Variants in GPC5 observed in about 807,000 individuals in gnomAD.
GPC5 encodes the protein glypican 5, also known as glypican-5.
A neutral mutation model predicts 53.9 loss-of-function variants in GPC5; 47 were observed. That is an observed-to-expected ratio of 0.87 (90% CI 0.69 to 1.11). The LOEUF (loss-of-function observed/expected upper bound fraction) is 1.11. Among genes scored for constraint, GPC5 ranks in the 50% most tolerant of loss-of-function variants. GPC5 has a pLI of 0.00. For missense variants in GPC5, 748 were observed against 713.1 expected, an observed-to-expected ratio of 1.05 and a Z score of -0.56; for synonymous variants, 286 against 263.3, an observed-to-expected ratio of 1.09 and a Z score of -0.84.
At chr13:92,287,502 A>G (rs1166940142) in intron 7 of GPC5, among the ~76,000 whole-genome samples, 3 of 152,106 alleles carry the variant, frequency 2.0e-5, no homozygotes, top group African/African-American at 7.2e-5. Context: ...TAATTATGTC[A>G]AAGTGTGCCT....
chr13:92,118,414 AATG>A (rs1184944714), intron 6 of GPC5, among the ~76,000 whole-genome samples: 1 of 152,134 alleles, frequency 6.6e-6, no homozygotes, highest in Non-Finnish European at 1.5e-5. Flanking sequence ...TTTAAAGAGA[AATG>A]ATGATGAGAG....
intron 7 of GPC5, among the ~76,000 whole-genome samples, chr13:92,401,035 A>G (rs1326280228): frequency 1.3e-5 from 2 of 152,160 alleles, no homozygotes; most frequent in Admixed American, 6.5e-5. Flanking sequence ...AGGAAATACA[A>G]TAATGTAAAA....
intron 5 of GPC5, among the ~76,000 whole-genome samples, chr13:91,847,219 C>CAAAAAAA (rs58401616): frequency 1.2e-5 from 1 of 86,022 alleles, no homozygotes; most frequent in Non-Finnish European, 2.2e-5. Context: ...GACTCCATCT[C>CAAAAAAA]AAAAAAAAAA....
intron 7 of GPC5, among the ~76,000 whole-genome samples, chr13:92,248,983 A>T (rs2042673077): frequency 6.6e-6 from 1 of 151,094 alleles, no homozygotes. Flanking sequence ...TATTGCTGCA[A>T]ATATTTTATT....
At chr13:92,153,056 G>C (rs114019430) in intron 7 of GPC5, among the ~76,000 whole-genome samples, 4 of 152,102 alleles carry the variant, frequency 2.6e-5, no homozygotes, top group African/African-American at 9.7e-5. Context: ...CTCTTGTCTT[G>C]TTACTCCTTT....
At chr13:92,756,896 G>T (rs1461419953) in intron 7 of GPC5, among the ~76,000 whole-genome samples, 1 of 151,046 alleles carries the variant, frequency 6.6e-6, no homozygotes, top group Non-Finnish European at 1.5e-5. Flanking sequence ...CGTGAAAATG[G>T]CCATACTGCC....
At chr13:92,266,554 C>A (rs907346020) in intron 7 of GPC5, among the ~76,000 whole-genome samples, 1 of 152,198 alleles carries the variant, frequency 6.6e-6, no homozygotes, top group South Asian at 2.1e-4. Context: ...TGTTCCCTAG[C>A]CAGTCTATTT....
intron 2 of GPC5, among the ~76,000 whole-genome samples, chr13:91,578,006 T>C (rs1272543439): frequency 1.3e-5 from 2 of 152,264 alleles, no homozygotes; most frequent in South Asian, 2.1e-4. Context: ...TGAAAGATAT[T>C]GTAGTTTCAG....
chr13:92,113,881 C>T (rs1008928837), intron 6 of GPC5, among the ~76,000 whole-genome samples: 2 of 151,856 alleles, frequency 1.3e-5, no homozygotes, highest in African/African-American at 2.4e-5. Flanking sequence ...AGCAAGAGAG[C>T]AAGATGGGTT....
At chr13:92,254,128 G>A (rs1322782210) in intron 7 of GPC5, among the ~76,000 whole-genome samples, 1 of 151,926 alleles carries the variant, frequency 6.6e-6, no homozygotes. Flanking sequence ...GTAAACCAGG[G>A]GAACAAAAAA....
At chr13:92,325,452 A>G (rs2043244497) in intron 7 of GPC5, among the ~76,000 whole-genome samples, 1 of 151,400 alleles carries the variant, frequency 6.6e-6, no homozygotes, top group South Asian at 2.1e-4. Flanking sequence ...TCCTGTCATT[A>G]TATCCTAAAT....
chr13:91,733,215 C>T (rs1417439837), intron 4 of GPC5, among the ~76,000 whole-genome samples: 1 of 152,146 alleles, frequency 6.6e-6, no homozygotes, highest in African/African-American at 2.4e-5. Flanking sequence ...CGGCTCACTG[C>T]AACCTCCGCC....
At chr13:91,747,570 C>T (rs550730680) in intron 4 of GPC5, among the ~76,000 whole-genome samples, 26 of 152,158 alleles carry the variant, frequency 1.7e-4, no homozygotes, top group African/African-American at 5.8e-4. Flanking sequence ...CTGGTCAAAA[C>T]GTGTAGATAA....
chr13:91,984,128 C>G (rs2040385612), intron 6 of GPC5, among the ~76,000 whole-genome samples: 1 of 152,160 alleles, frequency 6.6e-6, no homozygotes, highest in African/African-American at 2.4e-5. Flanking sequence ...CGGTGGTCCT[C>G]ATACCACGGT....
intron 5 of GPC5, among the ~76,000 whole-genome samples, chr13:91,883,038 G>C (rs188766589): frequency 6.6e-6 from 1 of 152,048 alleles, no homozygotes; most frequent in African/African-American, 2.4e-5. Flanking sequence ...ATTCCAGCAG[G>C]ATTCATCTGA....
intron 7 of GPC5, among the ~76,000 whole-genome samples, chr13:92,268,237 A>G (rs1168863255): frequency 6.6e-6 from 1 of 152,090 alleles, no homozygotes; most frequent in Admixed American, 6.5e-5. Flanking sequence ...AAATTTCAAA[A>G]AAAGGTAAAA....
chr13:91,487,398 T>C (rs1330369802), intron 2 of GPC5, among the ~76,000 whole-genome samples: 1 of 152,180 alleles, frequency 6.6e-6, no homozygotes, highest in Non-Finnish European at 1.5e-5. Context: ...CATTATCCTG[T>C]GGAAACATCT....
chr13:92,577,119 A>T (rs1275287401), intron 7 of GPC5, among the ~76,000 whole-genome samples: 1 of 152,192 alleles, frequency 6.6e-6, no homozygotes, highest in African/African-American at 2.4e-5. Flanking sequence ...GTCATAAGTC[A>T]TTGGGAAAGT....
intron 6 of GPC5, among the ~76,000 whole-genome samples, chr13:91,963,476 A>C (rs2040145710): frequency 6.6e-6 from 1 of 152,206 alleles, no homozygotes; most frequent in African/African-American, 2.4e-5. Flanking sequence ...GAGAACACAT[A>C]AAGTCAAAAT....
Sources: gnomAD v4.1 joint callset for allele counts (sites outside exome capture counted in the v4.1 genomes callset) on GRCh38, gnomAD v4.1.1 for gene constraint, MANE v1.5 for transcripts, NCBI Gene and HGNC (gene_info 2026-07-23, HGNC 2026-07-21) for gene names.